CR1: variants seen among roughly 807,000 people sequenced by gnomAD.
CR1 encodes the protein complement receptor type 1.
Under a neutral mutation model 187.3 loss-of-function variants are expected in CR1, and 116 were observed. The ratio of observed to expected loss-of-function variants is 0.62; its 90% confidence interval spans 0.53 to 0.72. CR1 has a LOEUF of 0.72. Among genes scored for constraint, CR1 ranks in the 30% least tolerant of loss-of-function variants. The pLI is 0.00. For missense variants in CR1, 1,731 were observed against 2,110.7 expected, an observed-to-expected ratio of 0.82 and a Z score of 3.52; for synonymous variants, 576 against 747.1, an observed-to-expected ratio of 0.77 and a Z score of 3.73.
intron 29 of CR1, 48 bp from the exon 30 acceptor site, chr1:207,580,192 G>C: frequency 6.3e-7 from 1 of 1,599,582 alleles, no homozygotes; most frequent in Non-Finnish European, 8.5e-7. Flanking sequence ...GGAAGCATAG[G>C]AAATTCCCCC....
chr1:207,609,754 A>C, intron 37 of CR1, 66 bp downstream of exon 37: 2 of 1,443,570 alleles, frequency 1.4e-6, no homozygotes, highest in Middle Eastern at 2.1e-4. Flanking sequence ...AGTTGTTGAA[A>C]TTAAGGAAGA....
chr1:207,582,106 CTT>C (rs1255562096), intron 32 of CR1, 103 bp downstream of exon 32: 1 of 694,178 alleles, frequency 1.4e-6, no homozygotes, highest in Non-Finnish European at 2.3e-6. Context: ...TTTGTGCCCG[CTT>C]TTGATAGAAA....
rs764234936 is a variant in CR1 at position 207,588,716 on chromosome 1, G to T, written c.5752G>T (p.Val1918Leu). ...GPPPEPFNGM[V>L]HINTDTQFGS... ...TCCACCAGAACCCTTCAATGGAATGGTGCATATAAACACAGATACACAGTT... is the reference window on the plus strand; with the variant it reads ...TCCACCAGAACCCTTCAATGGAATGTTGCATATAAACACAGATACACAGTT... Residue 1918 changes from valine (V) to leucine (L), a missense_variant, in exon 35 of 47, where the codon GTG becomes TTG. Physicochemically the swap from Val to Leu is conservative, Grantham distance 32. Coordinates refer to ENST00000367049, the MANE Select transcript of CR1 (RefSeq NM_000651.6). The T allele has an allele frequency of 1.9e-6, 3 of 1,613,008 alleles. No individual in the cohort carries two copies. Among genetic ancestry groups the T allele is most frequent in the East Asian group, 2.2e-5 (1 of 44,864 alleles).
intron 45 of CR1, among the ~76,000 whole-genome samples, chr1:207,626,217 GCATAGTGAGTGCATTTATCTAACAAAA>G (rs1266476778): frequency 1.3e-5 from 2 of 152,188 alleles, no homozygotes; most frequent in Non-Finnish European, 2.9e-5. Context: ...GGTGGTTTCA[GCATAGTGAGTGCATTTATCTAACAAAA>G]CACCACTGAT....
rs551878993 is a variant in CR1 at position 207,544,684 on chromosome 1, G to A, written c.2237-624G>A. On this transcript the variant is annotated intron_variant, in intron 13 of 46. Transcript: ENST00000367049. ...ACAGTAGGTCTTTCAGATTTTGTTCGACAGTTTCCCACCTTCTCACTGAAG... is the reference window on the plus strand; with the variant it reads ...ACAGTAGGTCTTTCAGATTTTGTTCAACAGTTTCCCACCTTCTCACTGAAG... 3.3e-3 allele frequency among the ~76,000 whole-genome samples: 481 copies of A among 145,690 alleles called. 34 individuals carry two copies. Among genetic ancestry groups the A allele is most frequent in the African/African-American group, 0.011 (415 of 36,748 alleles).
chr1:207,586,940 A>G (rs1381827253), intron 33 of CR1, among the ~76,000 whole-genome samples: 2 of 152,190 alleles, frequency 1.3e-5, no homozygotes, highest in Non-Finnish European at 2.9e-5. Context: ...TCAACTCACT[A>G]CAAGGGGTAC....
In CR1 at chr1:207,620,066, G is replaced by GT. The variant is rs1558274432; in HGVS notation, c.7252+2dup. The GT allele has an allele frequency of 6.2e-7, 1 of 1,606,870 alleles. No homozygotes were observed. Among genetic ancestry groups the GT allele is most frequent in the Non-Finnish European group, 8.5e-7 (1 of 1,177,964 alleles). ...CCTCCTCTGGCCAAATGTACCTCTC[G>GT]TAAGTGCAAGTGCAAGGAATGTGGG... is the stretch of plus-strand genomic sequence containing the variant. On this transcript the variant is annotated splice_donor_variant, in intron 43 of 46. Coordinates refer to ENST00000367049, the MANE Select transcript of CR1 (RefSeq NM_000651.6). LOFTEE classifies it high-confidence loss of function.
In CR1 at chr1:207,609,617, T is replaced by C; in HGVS notation, c.6224T>C (p.Met2075Thr). Residue 2075 changes from methionine to threonine, a missense_variant, in exon 37 of 47, where the codon ATG becomes ACG. Transcript: ENST00000367049. ...IRFRCQPGFV[M>T]VGSHTVQCQT... ...TTTAGATGTCAGCCCGGGTTTGTCA[T>C]GGTAGGGTCCCACACTGTGCAGTGC... The C allele has an allele frequency of 1.2e-6, 2 of 1,611,792 alleles. No individual in the cohort carries two copies. The highest frequency in any genetic ancestry group is 8.5e-7 in the Non-Finnish European group (1 of 1,178,898).
chr1:207,593,018 C>A (rs1413365287), intron 35 of CR1, among the ~76,000 whole-genome samples: 2 of 145,752 alleles, frequency 1.4e-5, no homozygotes, highest in East Asian at 4.1e-4. Context: ...GGCCATACTG[C>A]CCAAGGTAAT....
intron 45 of CR1, among the ~76,000 whole-genome samples, chr1:207,625,285 C>T (rs1398964879): frequency 6.6e-6 from 1 of 152,148 alleles, no homozygotes; most frequent in Non-Finnish European, 1.5e-5. Flanking sequence ...ATGTCCATGG[C>T]ACAACCATTC....
At position 207,587,378 on chromosome 1, in the gene CR1, CT is replaced by C; in HGVS notation, c.5531-7del. On this transcript the variant is annotated splice_polypyrimidine_tract_variant and splice_region_variant and intron_variant, in intron 33 of 46. Transcript: ENST00000367049. ...TAACTTTGATATTCCTGTGGTTTTTCTCTCCAGGTCACTGTAAAACCCCAGA... is the reference window on the plus strand; with the variant it reads ...TAACTTTGATATTCCTGTGGTTTTTCCTCCAGGTCACTGTAAAACCCCAGA... 1 of 1,597,276 alleles carries C rather than the reference CT, an allele frequency of 6.3e-7. No individual in the cohort carries two copies. The highest frequency in any genetic ancestry group is 8.5e-7 in the Non-Finnish European group (1 of 1,171,612).
In CR1 at chr1:207,609,529, G is replaced by T. The variant is rs1220161506; in HGVS notation, c.6136G>T (p.Val2046Phe). 1 of 1,613,954 alleles carries T rather than the reference G, an allele frequency of 6.2e-7. No homozygotes were observed. The highest frequency in any genetic ancestry group is 1.1e-5 in the South Asian group (1 of 91,082). The change falls in exon 37 of 47, where the codon GTT (valine) becomes TTT (phenylalanine). Residue 2046 changes from valine to phenylalanine, a missense_variant. Val to Phe is a conservative substitution (Grantham distance 50). This residue lies in a region of CR1 where 1,312 missense variants were observed against 1,379.6 expected (regional missense o/e 0.95). Transcript: ENST00000367049. ...ISTNKCTAPE[V>F]ENAIRVPGNR... ...TACTAATAAATGCACAGCTCCAGAA[G>T]TTGAAAATGCAATTAGAGTACCAGG... is the stretch of plus-strand genomic sequence containing the variant.
At chr1:207,596,466 T>C (rs1661444350) in intron 35 of CR1, among the ~76,000 whole-genome samples, 1 of 151,720 alleles carries the variant, frequency 6.6e-6, no homozygotes, top group African/African-American at 2.4e-5. Context: ...AATACAAAAT[T>C]AGCCAGGTGT....
intron 5 of CR1, 80 bp downstream of exon 5, chr1:207,524,089 G>T: frequency 6.2e-7 from 1 of 1,611,278 alleles, no homozygotes; most frequent in Non-Finnish European, 8.5e-7. Flanking sequence ...TTTGTTCAGG[G>T]GGAGGGATGT....
chr1:207,498,219 T>A (rs902359650), intron 1 of CR1, among the ~76,000 whole-genome samples: 3 of 152,186 alleles, frequency 2.0e-5, no homozygotes, highest in Non-Finnish European at 4.4e-5. Context: ...AAAACCCCCA[T>A]GCATGTCTGA....
At chr1:207,506,855 G>A (rs1485602200) in intron 3 of CR1, 42 bp downstream of exon 3, 7 of 1,503,358 alleles carry the variant, frequency 4.7e-6, no homozygotes, top group Admixed American at 1.7e-5. Context: ...TGGTTCAAGA[G>A]TTCTAACACA....
At chr1:207,632,082 C>G (rs1350623173) in intron 46 of CR1, among the ~76,000 whole-genome samples, 1 of 152,196 alleles carries the variant, frequency 6.6e-6, no homozygotes, top group East Asian at 1.9e-4. Context: ...CAAAAAATTA[C>G]AGATTATGTC....
At chr1:207,614,196 T>C (rs143005498) in intron 39 of CR1, among the ~76,000 whole-genome samples, 2 of 152,322 alleles carry the variant, frequency 1.3e-5, no homozygotes, top group Non-Finnish European at 2.9e-5. Context: ...ACCATGGTTC[T>C]TTAGAATAAA....
At chr1:207,623,887 C>G (rs919969927) in intron 45 of CR1, among the ~76,000 whole-genome samples, 2 of 126,300 alleles carry the variant, frequency 1.6e-5, no homozygotes, top group Non-Finnish European at 3.3e-5. Flanking sequence ...AATATATAAA[C>G]AAATATTTTG....
Sources: gnomAD v4.1 joint callset for allele counts (sites outside exome capture counted in the v4.1 genomes callset) on GRCh38, gnomAD v4.1.1 for gene constraint, gnomAD v4.1.1 regional missense constraint, MANE v1.5 for transcripts, NCBI Gene and HGNC (gene_info 2026-07-23, HGNC 2026-07-21) for gene names.